Variants in LRRC75A observed in about 807,000 individuals in gnomAD.
The protein encoded by LRRC75A is leucine-rich repeat-containing protein 75A.
LRRC75A carries 12 observed loss-of-function variants against 26.0 expected under a neutral mutation model. That is an observed-to-expected ratio of 0.46 (90% CI 0.30 to 0.75). LRRC75A has a LOEUF of 0.75. LRRC75A is among the 30% of genes least tolerant of loss of function. The pLI is 0.08. For missense variants in LRRC75A, 410 were observed against 486.6 expected, an observed-to-expected ratio of 0.84 and a Z score of 1.48; for synonymous variants, 223 against 219.3, an observed-to-expected ratio of 1.02 and a Z score of -0.15.
intron 1 of LRRC75A, among the ~76,000 whole-genome samples, chr17:16,465,102 T>C (rs1027605002): frequency 6.6e-6 from 1 of 152,198 alleles, no homozygotes; most frequent in African/African-American, 2.4e-5. Context: ...TGGAGCTATT[T>C]TTCTTTTACA....
Position 16,462,403 on chromosome 17 carries a change from T to C in LRRC75A, c.247-17A>G, listed in dbSNP as rs1407335422. ...GCCCAGGTCCTGCAAGAGCAAAGGA[T>C]GCCCAGAGGTCAGGGCTGGCTGCCC... On this transcript the variant is annotated splice_polypyrimidine_tract_variant and intron_variant, in intron 1 of 3. Coordinates refer to ENST00000470794, the MANE Select transcript of LRRC75A (RefSeq NM_001113567.3). The surrounding 1 kb of genome is among the most constrained non-coding windows in gnomAD (Gnocchi z 4.6). 3.7e-6 allele frequency: 6 copies of C among 1,613,478 alleles called. No homozygotes were observed. The highest frequency in any genetic ancestry group is 2.2e-5 in the East Asian group (1 of 44,886).
chr17:16,451,117 A>T (rs2093627348), intron 2 of LRRC75A, among the ~76,000 whole-genome samples: 1 of 152,184 alleles, frequency 6.6e-6, no homozygotes, highest in Admixed American at 6.5e-5. Flanking sequence ...CCAGAGAATG[A>T]GCTAAGCAGG....
At chr17:16,487,907 A>G (rs1041239955) in intron 1 of LRRC75A, among the ~76,000 whole-genome samples, 3 of 152,216 alleles carry the variant, frequency 2.0e-5, no homozygotes, top group African/African-American at 7.2e-5. Context: ...TGTGCGCCAC[A>G]CTTCGAGTAA....
In LRRC75A at chr17:16,491,719, CCCCCGCGCCCCCT is replaced by C. The variant is rs896232539; in HGVS notation, c.246+13_246+25del. The C allele has an allele frequency of 3.2e-4, 420 of 1,310,718 alleles. 1 individual carries two copies. Among genetic ancestry groups the C allele is most frequent in the Non-Finnish European group, 4.0e-4 (409 of 1,034,168 alleles). The allele number at this position is 1,310,718 out of a possible 1,614,324, so 81.2% of individuals were successfully genotyped here. ...CAGCACGCCCCCTGGCCCGGCGCGC[CCCCCGCGCCCCCT>C]CCCCGCGCTCACCTGGCGCAGGTGC... On this transcript the variant is annotated intron_variant, in intron 1 of 3. Transcript: ENST00000470794. This position sits in a 1 kb window ranked among gnomAD's most constrained non-coding sequence, Gnocchi z 5.9.
In LRRC75A at chr17:16,491,155, C is replaced by T. The variant is rs1226228432; in HGVS notation, c.246+590G>A. ...CCAGCTCCCCTGTCTCTACCGCTTT[C>T]CGCAGGGGCTCATGGTTGAGGATCT... On this transcript the variant is annotated intron_variant, in intron 1 of 3. Transcript: ENST00000470794. The surrounding 1 kb of genome is among the most constrained non-coding windows in gnomAD (Gnocchi z 5.9). Among the ~76,000 whole-genome samples, 1 of 152,258 alleles carries T rather than the reference C, an allele frequency of 6.6e-6. No individual in the cohort carries two copies. The highest frequency in any genetic ancestry group is 1.9e-4 in the East Asian group (1 of 5,196).
intron 2 of LRRC75A, among the ~76,000 whole-genome samples, chr17:16,448,705 G>T (rs1180797258): frequency 6.6e-6 from 1 of 152,192 alleles, no homozygotes; most frequent in Non-Finnish European, 1.5e-5. Flanking sequence ...CCCTAATCCT[G>T]TATGACTGGT....
rs1342756334 is a variant in LRRC75A at position 16,443,037 on chromosome 17, A to G, written c.*551T>C. ...GCCTCAGAAATAGGGCTGGGTCTCC[A>G]TAAGGAGGTAGGCCACGTTCAGTCC... On this transcript the variant is annotated 3_prime_UTR_variant, in exon 4 of 4. Coordinates refer to ENST00000470794, the MANE Select transcript of LRRC75A (RefSeq NM_001113567.3). The G allele has an allele frequency of 2.6e-5, 4 of 153,096 alleles. 1 individual carries two copies. Among genetic ancestry groups the G allele is most frequent in the Non-Finnish European group, 5.8e-5 (4 of 68,684 alleles). 9.5% of individuals were successfully genotyped at this position (153,096 alleles called of 1,614,324 possible).
intron 1 of LRRC75A, among the ~76,000 whole-genome samples, chr17:16,474,169 G>A (rs962012659): frequency 1.8e-4 from 18 of 101,260 alleles, no homozygotes; most frequent in African/African-American, 8.8e-4. Flanking sequence ...CGTGGCTGAC[G>A]GTGGGGGACA....
At chr17:16,484,765 G>A (rs1383226509) in intron 1 of LRRC75A, among the ~76,000 whole-genome samples, 1 of 152,176 alleles carries the variant, frequency 6.6e-6, no homozygotes, top group Admixed American at 6.5e-5. Context: ...ACTGAGGGCC[G>A]AGCAGGAGCG....
chr17:16,491,985 G>C lies in LRRC75A; in HGVS notation c.6C>G (p.Gly2=). M[G]TRQTKGSLAE... is the part of the protein sequence containing the mutation. ...CCAGGCTGCCCTTGGTCTGCCGGGT[G>C]CCCATGCCGCCGCCGCCCGCCGGGA... Residue 2 remains glycine, a synonymous_variant, in exon 1 of 4, where the codon GGC becomes GGG. Coordinates refer to ENST00000470794, the MANE Select transcript of LRRC75A (RefSeq NM_001113567.3). The surrounding 1 kb of genome is among the most constrained non-coding windows in gnomAD (Gnocchi z 5.9). 1 of 1,178,150 alleles carries C rather than the reference G, an allele frequency of 8.5e-7. No individual in the cohort carries two copies. The highest frequency in any genetic ancestry group is 1.6e-5 in the African/African-American group (1 of 61,570). 73.0% of individuals were successfully genotyped at this position (1,178,150 alleles called of 1,614,324 possible).
At chr17:16,450,922 G>GA (rs1420538925) in intron 2 of LRRC75A, among the ~76,000 whole-genome samples, 1 of 152,162 alleles carries the variant, frequency 6.6e-6, no homozygotes. Flanking sequence ...GACATGAGTA[G>GA]AAGGCAAGGG....
chr17:16,490,557 T>G (rs1181411053), intron 1 of LRRC75A, among the ~76,000 whole-genome samples: 6 of 152,112 alleles, frequency 3.9e-5, no homozygotes, highest in African/African-American at 1.4e-4. Context: ...CCTCTCCCTG[T>G]GCAGTGCACA....
intron 1 of LRRC75A, among the ~76,000 whole-genome samples, chr17:16,473,829 G>A: frequency 6.6e-6 from 1 of 152,166 alleles, no homozygotes; most frequent in East Asian, 1.9e-4. Context: ...GACGAGTGTT[G>A]CCACCAGGTC....
rs190796096 is a variant in LRRC75A at position 16,461,424 on chromosome 17, C to G, written c.375+834G>C. On this transcript the variant is annotated intron_variant, in intron 2 of 3. Transcript: ENST00000470794. ...AAAACCAAAGCAACAGAGAAGCGCTCAAGTGTGGAAATGTCCCCAGCCGGC... is the reference window on the plus strand; with the variant it reads ...AAAACCAAAGCAACAGAGAAGCGCTGAAGTGTGGAAATGTCCCCAGCCGGC... Among the ~76,000 whole-genome samples, 82 of 152,376 alleles carry G rather than the reference C, an allele frequency of 5.4e-4. 1 individual carries two copies. In the East Asian group the frequency reaches 0.012, roughly 22 times the overall value.
intron 1 of LRRC75A, among the ~76,000 whole-genome samples, chr17:16,486,946 G>A (rs2093848375): frequency 6.6e-6 from 1 of 152,172 alleles, no homozygotes; most frequent in African/African-American, 2.4e-5. Flanking sequence ...CATCTTCACG[G>A]CACACAGACT....
In LRRC75A at chr17:16,476,545, G is replaced by A. The variant is rs751294317; in HGVS notation, c.247-14159C>T. Among the ~76,000 whole-genome samples the A allele has an allele frequency of 9.1e-4, 138 of 151,596 alleles. 1 individual carries two copies. Among genetic ancestry groups the A allele is most frequent in the Non-Finnish European group, 1.5e-3 (101 of 67,900 alleles). The stretch of plus-strand genomic sequence containing the variant: ...CTTTTGTTTTTACTCAAAGTCTACT[G>A]ATTTCACATGTAGGTATTTCAGATT... On this transcript the variant is annotated intron_variant, in intron 1 of 3. Coordinates refer to ENST00000470794, the MANE Select transcript of LRRC75A (RefSeq NM_001113567.3).
intron 1 of LRRC75A, among the ~76,000 whole-genome samples, chr17:16,480,049 C>T (rs548101858): frequency 5.7e-4 from 87 of 152,274 alleles, no homozygotes; most frequent in African/African-American, 1.7e-3. Flanking sequence ...AACCTGCACA[C>T]GTGAGGGATC....
intron 1 of LRRC75A, among the ~76,000 whole-genome samples, chr17:16,474,995 CAAAAA>C (rs551285458): frequency 0.027 from 2,072 of 77,278 alleles, 41 homozygotes; most frequent in African/African-American, 0.076. Context: ...GACTCCGTCT[CAAAAA>C]AAAAAAAAAA....
chr17:16,476,952 A>G (rs1360215879), intron 1 of LRRC75A, among the ~76,000 whole-genome samples: 7 of 150,872 alleles, frequency 4.6e-5, no homozygotes, highest in Non-Finnish European at 8.8e-5. Context: ...GTTAGCCAGG[A>G]TGGTCTCAAT....
Sources: gnomAD v4.1 joint callset for allele counts (sites outside exome capture counted in the v4.1 genomes callset) on GRCh38, gnomAD v4.1.1 for gene constraint, Gnocchi (gnomAD v3.1) non-coding constraint, MANE v1.5 for transcripts, NCBI Gene and HGNC (gene_info 2026-07-23, HGNC 2026-07-21) for gene names.